PPM1E: variants seen among roughly 807,000 people sequenced by gnomAD.
The protein encoded by PPM1E is protein phosphatase 1E.
A neutral mutation model predicts 65.9 loss-of-function variants in PPM1E; 20 were observed. The observed-to-expected ratio is 0.30, with a 90% CI of 0.21 to 0.44. The LOEUF is 0.44. PPM1E is among the 20% of genes least tolerant of loss of function. PPM1E has a pLI of 1.00. For synonymous variants in PPM1E, 352 were observed against 374.9 expected (o/e 0.94, Z 0.70); for missense variants, 713 against 953.1 (o/e 0.75, Z 3.32).
chr17:58,852,232 T>C (rs947418960), intron 1 of PPM1E, among the ~76,000 whole-genome samples: 3 of 152,070 alleles, frequency 2.0e-5, no homozygotes, highest in Non-Finnish European at 4.4e-5. Context: ...GCTTCCCGGG[T>C]GAAGCACTGC....
At chr17:58,875,446 C>A (rs1311474251) in intron 1 of PPM1E, among the ~76,000 whole-genome samples, 2 of 152,110 alleles carry the variant, frequency 1.3e-5, no homozygotes, top group Non-Finnish European at 2.9e-5. Flanking sequence ...CTTACAGAAG[C>A]AATGCTTTTT....
intron 6 of PPM1E, among the ~76,000 whole-genome samples, chr17:58,975,459 A>T (rs753577738): frequency 6.6e-6 from 1 of 152,208 alleles, no homozygotes; most frequent in Non-Finnish European, 1.5e-5. Context: ...CAACATAGTG[A>T]TACCTCATCT....
At chr17:58,891,544 C>G (rs558479798) in intron 1 of PPM1E, among the ~76,000 whole-genome samples, 1 of 151,626 alleles carries the variant, frequency 6.6e-6, no homozygotes, top group Non-Finnish European at 1.5e-5. Flanking sequence ...AGGCTGGTCT[C>G]GAACTCCTGA....
chr17:58,769,490 G>A (rs1012489732), intron 1 of PPM1E, among the ~76,000 whole-genome samples: 2 of 151,940 alleles, frequency 1.3e-5, no homozygotes, highest in African/African-American at 2.4e-5. Flanking sequence ...CCAGCTACTC[G>A]GGAGGCTGAG....
In PPM1E at chr17:58,832,170, G is replaced by T. The variant is rs551705765; in HGVS notation, c.464+75709G>T. On this transcript the variant is annotated intron_variant, in intron 1 of 6. Transcript: ENST00000308249. ...GAACTTTAGTATTTTTTCTTCTCTA[G>T]CGTAGAGATAACCTAGTTTCTCTAT... Among the ~76,000 whole-genome samples the T allele has an allele frequency of 3.2e-3, 488 of 152,110 alleles. 5 individuals are homozygous for T. The highest frequency in any genetic ancestry group is 0.011 in the African/African-American group (467 of 41,504).
At chr17:58,816,773 TA>T (rs1567842175) in intron 1 of PPM1E, among the ~76,000 whole-genome samples, 817 of 18,304 alleles carry the variant, frequency 0.045, 36 homozygotes, top group Non-Finnish European at 0.069. Flanking sequence ...TATATATATA[TA>T]TATATATATA....
chr17:58,856,949 T>G (rs1193714697), intron 1 of PPM1E, among the ~76,000 whole-genome samples: 1 of 152,196 alleles, frequency 6.6e-6, no homozygotes, highest in Non-Finnish European at 1.5e-5. Context: ...TTTTTAAGAT[T>G]AAAAATTTGG....
At chr17:58,805,965 A>AAAC (rs1567838766) in intron 1 of PPM1E, among the ~76,000 whole-genome samples, 17 of 112,444 alleles carry the variant, frequency 1.5e-4, no homozygotes, top group South Asian at 3.2e-4. Flanking sequence ...AAAAAACAAA[A>AAAC]AAAAAAAACA....
intron 1 of PPM1E, among the ~76,000 whole-genome samples, chr17:58,843,815 G>A (rs993018308): frequency 2.6e-5 from 4 of 152,134 alleles, no homozygotes; most frequent in African/African-American, 9.7e-5. Flanking sequence ...TGGGCACAGA[G>A]CTAGACCCTG....
intron 1 of PPM1E, among the ~76,000 whole-genome samples, chr17:58,894,797 A>G (rs536615441): frequency 6.6e-6 from 1 of 152,138 alleles, no homozygotes; most frequent in African/African-American, 2.4e-5. Flanking sequence ...TATTTTTTGT[A>G]TTTGAAATTT....
chr17:58,831,356 G>A (rs1021280178), intron 1 of PPM1E, among the ~76,000 whole-genome samples: 2 of 152,124 alleles, frequency 1.3e-5, no homozygotes, highest in Non-Finnish European at 2.9e-5. Context: ...CAGCATTTTG[G>A]GAACTGAGTA....
chr17:58,950,697 T>G (rs1418880142), intron 1 of PPM1E, among the ~76,000 whole-genome samples: 1 of 151,950 alleles, frequency 6.6e-6, no homozygotes, highest in African/African-American at 2.4e-5. Context: ...TTCTGTTTGG[T>G]CTAGTCTGCT....
chr17:58,765,773 G>C (rs1351738508), intron 1 of PPM1E, among the ~76,000 whole-genome samples: 2 of 151,804 alleles, frequency 1.3e-5, no homozygotes, highest in East Asian at 3.9e-4. Context: ...TGATTTATAA[G>C]ATCACTATAG....
intron 1 of PPM1E, among the ~76,000 whole-genome samples, chr17:58,758,628 T>G (rs1200477660): frequency 6.6e-6 from 1 of 152,186 alleles, no homozygotes; most frequent in African/African-American, 2.4e-5. Context: ...GGATTTGAAA[T>G]AAAACTAGCA....
At chr17:58,887,650 T>C (rs1306752651) in intron 1 of PPM1E, among the ~76,000 whole-genome samples, 4 of 152,174 alleles carry the variant, frequency 2.6e-5, no homozygotes, top group African/African-American at 7.2e-5. Flanking sequence ...AGTGAAAGAA[T>C]AGTATTACAA....
At chr17:58,766,869 T>G (rs1041519599) in intron 1 of PPM1E, among the ~76,000 whole-genome samples, 6 of 152,196 alleles carry the variant, frequency 3.9e-5, no homozygotes, top group Admixed American at 6.6e-5. Context: ...TATTTATTAC[T>G]TGGAAAGATA....
intron 1 of PPM1E, among the ~76,000 whole-genome samples, chr17:58,829,509 T>A (rs2050577138): frequency 6.6e-6 from 1 of 152,180 alleles, no homozygotes; most frequent in African/African-American, 2.4e-5. Flanking sequence ...TGGGTAATCA[T>A]TTTTTATAAG....
intron 2 of PPM1E, among the ~76,000 whole-genome samples, chr17:58,957,230 A>G (rs1598677236): frequency 6.6e-6 from 1 of 152,062 alleles, no homozygotes; most frequent in African/African-American, 2.4e-5. Context: ...AGTTTTTTGC[A>G]TCCCTTTATT....
intron 1 of PPM1E, among the ~76,000 whole-genome samples, chr17:58,910,057 C>A (rs2051608548): frequency 6.6e-6 from 1 of 151,518 alleles, no homozygotes. Flanking sequence ...TGCCCGCCAC[C>A]ACACCCAGAT....
Sources: gnomAD v4.1 joint callset for allele counts (sites outside exome capture counted in the v4.1 genomes callset) on GRCh38, gnomAD v4.1.1 for gene constraint, MANE v1.5 for transcripts, NCBI Gene and HGNC (gene_info 2026-07-23, HGNC 2026-07-21) for gene names.